The following SLIT2 variants were observed in gnomAD, a reference collection of about 807,000 sequenced individuals.
SLIT2 encodes the protein slit homolog 2 protein.
SLIT2 carries 41 observed loss-of-function variants against 185.7 expected under a neutral mutation model. The observed-to-expected ratio is 0.22, with a 90% confidence interval of 0.17 to 0.29. SLIT2 has a LOEUF of 0.29. Among genes scored for constraint, SLIT2 ranks in the 10% least tolerant of loss-of-function variants. The pLI, the probability that SLIT2 is intolerant of heterozygous loss-of-function variation, is 1.00. For synonymous variants in SLIT2, 693 were observed against 680.2 expected, an observed-to-expected ratio of 1.02 and a Z score of -0.29; for missense variants, 1,571 against 1,909.0, an observed-to-expected ratio of 0.82 and a Z score of 3.30.
chr4:20,324,376 C>T (rs140664386), intron 4 of SLIT2, among the ~76,000 whole-genome samples: 222 of 131,840 alleles, frequency 1.7e-3, no homozygotes, highest in Non-Finnish European at 2.5e-3. Context: ...CTGCTCACCC[C>T]GACCAGGCCA....
At chr4:20,313,863 T>TC (rs1718343356) in intron 4 of SLIT2, among the ~76,000 whole-genome samples, 1 of 152,098 alleles carries the variant, frequency 6.6e-6, no homozygotes, top group African/African-American at 2.4e-5. Flanking sequence ...GCTGCTCACC[T>TC]CCTCCTGGGC....
At chr4:20,458,733 C>A (rs1713364876) in intron 4 of SLIT2, among the ~76,000 whole-genome samples, 1 of 152,122 alleles carries the variant, frequency 6.6e-6, no homozygotes, top group Non-Finnish European at 1.5e-5. Flanking sequence ...AACAACAGAG[C>A]AAGTTCAAAT....
intron 21 of SLIT2, among the ~76,000 whole-genome samples, chr4:20,545,062 A>T (rs576931036): frequency 6.6e-6 from 1 of 152,188 alleles, no homozygotes; most frequent in African/African-American, 2.4e-5. Context: ...TTATTTTGAA[A>T]TATTGGGAAT....
intron 4 of SLIT2, among the ~76,000 whole-genome samples, chr4:20,463,107 A>G (rs952200148): frequency 2.6e-5 from 4 of 152,092 alleles, no homozygotes; most frequent in African/African-American, 9.7e-5. Context: ...AAGCACCGTG[A>G]CCCAAGGTCC....
chr4:20,513,163 G>A (rs180940397), intron 11 of SLIT2, among the ~76,000 whole-genome samples: 45 of 152,310 alleles, frequency 3.0e-4, no homozygotes, highest in African/African-American at 8.4e-4. Context: ...TTAGAAGGCC[G>A]TAGAAAAGCT....
intron 2 of SLIT2, among the ~76,000 whole-genome samples, chr4:20,257,622 C>G (rs1711983849): frequency 6.6e-6 from 1 of 151,998 alleles, no homozygotes; most frequent in South Asian, 2.1e-4. Flanking sequence ...GTTTAAGGGT[C>G]AGAGTTTTGA....
chr4:20,598,245 C>T lies in SLIT2; in HGVS notation c.3562-20C>T, dbSNP rs1381120362. On this transcript the variant is annotated intron_variant, in intron 32 of 36. Coordinates refer to ENST00000504154, the MANE Select transcript of SLIT2 (RefSeq NM_004787.4). ...TGGTTGCGTACACATCCTAGTAATG[C>T]CAGGGTTACTTTCTACTAGATTGCC... 6.2e-7 allele frequency: 1 copy of T among 1,612,620 alleles called. No individual in the cohort carries two copies. The highest frequency in any genetic ancestry group is 8.5e-7 in the Non-Finnish European group (1 of 1,179,060).
chr4:20,384,798 G>A (rs182679473), intron 4 of SLIT2, among the ~76,000 whole-genome samples: 9 of 152,170 alleles, frequency 5.9e-5, no homozygotes, highest in Non-Finnish European at 7.4e-5. Flanking sequence ...TAATTATACC[G>A]GTGGTGACAA....
chr4:20,460,911 T>C (rs1240218152), intron 4 of SLIT2, among the ~76,000 whole-genome samples: 1 of 152,184 alleles, frequency 6.6e-6, no homozygotes, highest in African/African-American at 2.4e-5. Context: ...TCCCCAATAA[T>C]GAAAATAATT....
intron 4 of SLIT2, among the ~76,000 whole-genome samples, chr4:20,314,669 G>A (rs1718410920): frequency 6.6e-6 from 1 of 152,062 alleles, no homozygotes; most frequent in Admixed American, 6.6e-5. Context: ...AAATAGGACA[G>A]GATAAAAGTT....
At chr4:20,526,110 T>C (rs1376520282) in intron 15 of SLIT2, among the ~76,000 whole-genome samples, 9 of 152,168 alleles carry the variant, frequency 5.9e-5, no homozygotes, top group Admixed American at 2.6e-4. Context: ...GAGCTATAGA[T>C]TAAAAGATAT....
intron 15 of SLIT2, among the ~76,000 whole-genome samples, chr4:20,527,356 G>T (rs932892416): frequency 3.3e-5 from 5 of 151,970 alleles, no homozygotes; most frequent in Admixed American, 2.0e-4. Flanking sequence ...CATGATCTCG[G>T]CTCACTGCAA....
intron 4 of SLIT2, among the ~76,000 whole-genome samples, chr4:20,312,644 G>A (rs112245261): frequency 0.059 from 8,955 of 151,094 alleles, 305 homozygotes; most frequent in Middle Eastern, 0.092. Flanking sequence ...TTGTTGGCGC[G>A]CATCTGTAGT....
chr4:20,364,385 AAGAAAGCTGACCT>A (rs1452532902), intron 4 of SLIT2: 1 of 498,248 alleles, frequency 2.0e-6, no homozygotes, highest in Non-Finnish European at 2.6e-6. Flanking sequence ...CAAAGAGAAA[AAGAAAGCTGACCT>A]GCCCATTTTA....
At chr4:20,588,381 C>G (rs980779028) in intron 29 of SLIT2, among the ~76,000 whole-genome samples, 3 of 152,144 alleles carry the variant, frequency 2.0e-5, no homozygotes, top group Non-Finnish European at 4.4e-5. Flanking sequence ...TTTCTACCAA[C>G]TAGCAGTGTA....
chr4:20,511,780 G>A (rs1719781375), intron 11 of SLIT2, among the ~76,000 whole-genome samples: 1 of 151,116 alleles, frequency 6.6e-6, no homozygotes, highest in Non-Finnish European at 1.5e-5. Flanking sequence ...AAAGCATGTA[G>A]CTAGTATCTG....
intron 4 of SLIT2, among the ~76,000 whole-genome samples, chr4:20,386,186 G>A (rs913976178): frequency 2.6e-5 from 4 of 152,124 alleles, no homozygotes; most frequent in African/African-American, 4.8e-5. Context: ...GCATGTAATT[G>A]TATTAAGCTG....
intron 18 of SLIT2, among the ~76,000 whole-genome samples, chr4:20,538,650 T>C (rs1252460983): frequency 1.3e-5 from 2 of 152,122 alleles, no homozygotes; most frequent in Non-Finnish European, 2.9e-5. Context: ...TATTTTCACA[T>C]GGGACTTTGA....
intron 4 of SLIT2, among the ~76,000 whole-genome samples, chr4:20,334,797 A>G (rs1465064384): frequency 6.6e-6 from 1 of 152,188 alleles, no homozygotes; most frequent in Non-Finnish European, 1.5e-5. Flanking sequence ...TGGCAAATCA[A>G]TTAAAATTCT....
Sources: gnomAD v4.1 joint callset for allele counts (sites outside exome capture counted in the v4.1 genomes callset) on GRCh38, gnomAD v4.1.1 for gene constraint, MANE v1.5 for transcripts, NCBI Gene and HGNC (gene_info 2026-07-23, HGNC 2026-07-21) for gene names.